ALDH2: variants seen among roughly 807,000 people sequenced by gnomAD.
ALDH2 encodes the protein aldehyde dehydrogenase, mitochondrial.
A neutral mutation model predicts 59.6 loss-of-function variants in ALDH2; 44 were observed. The observed-to-expected ratio is 0.74, with a 90% confidence interval of 0.58 to 0.95. The LOEUF is 0.95. Ranked by LOEUF, ALDH2 falls within the 40% of genes least tolerant of loss-of-function variation. The pLI, the probability that ALDH2 is intolerant of heterozygous loss-of-function variation, is 0.00. For synonymous variants in ALDH2, 291 were observed against 284.0 expected, an observed-to-expected ratio of 1.02 and a Z score of -0.25; for missense variants, 570 against 696.3, an observed-to-expected ratio of 0.82 and a Z score of 2.04.
At position 111,803,915 on chromosome 12, in the gene ALDH2, C is replaced by T. The variant is rs371493214; in HGVS notation, c.1463C>T (p.Ser488Leu). 22 of 1,613,074 alleles carry T rather than the reference C, an allele frequency of 1.4e-5. No individual in the cohort carries two copies. Among genetic ancestry groups the T allele is most frequent in the Non-Finnish European group, 1.6e-5 (19 of 1,179,608 alleles). ...AQSPFGGYKM[S>L]GSGRELGEYG... ...TCACCCTTTGGTGGCTACAAGATGT[C>T]GGGGAGTGGCCGGGAGTTGGGCGAG... Residue 488 changes from serine to leucine, a missense_variant, in exon 12 of 13, where the codon TCG becomes TTG. By Grantham distance (145) the Ser-to-Leu change is moderately radical (BLOSUM62 -2). Transcript: ENST00000261733.
At chr12:111,804,913 T>C (rs1016096885) in intron 12 of ALDH2, among the ~76,000 whole-genome samples, 4 of 152,196 alleles carry the variant, frequency 2.6e-5, no homozygotes, top group Admixed American at 2.6e-4. Context: ...GCAACTTCAA[T>C]GACTGGAATA....
chr12:111,774,875 G>C (rs1007180642), intron 1 of ALDH2, among the ~76,000 whole-genome samples: 4 of 152,142 alleles, frequency 2.6e-5, no homozygotes, highest in African/African-American at 9.7e-5. Flanking sequence ...TGGAGAACAA[G>C]ATAGCCAAGG....
rs372053825 is a variant in ALDH2 at position 111,792,670 on chromosome 12, G to A, written c.971G>A (p.Arg324Gln). The A allele has an allele frequency of 8.1e-6, 13 of 1,610,844 alleles. No homozygotes were observed. The highest frequency in any genetic ancestry group is 2.2e-5 in the East Asian group (1 of 44,726). Residue 324 changes from arginine to glutamine, a missense_variant, in exon 9 of 13, where the codon CGG becomes CAG. Physicochemically the swap from Arg to Gln is conservative, Grantham distance 43 (BLOSUM62 1). Transcript: ENST00000261733. ...NQGQCCCAGS[R>Q]TFVQEDIYDE... ...GGCCAGTGCTGCTGTGCCGGCTCCC[G>A]GACCTTCGTGCAGGAGGACATCTAT...
At chr12:111,808,152 G>A (rs570423713) in intron 12 of ALDH2, among the ~76,000 whole-genome samples, 4 of 152,208 alleles carry the variant, frequency 2.6e-5, no homozygotes, top group South Asian at 4.2e-4. Flanking sequence ...TGGGATTACA[G>A]GTGTGAACCA....
In ALDH2 at chr12:111,785,286, A is replaced by G. The variant is rs997054274; in HGVS notation, c.380A>G (p.Asn127Ser). The G allele has an allele frequency of 1.2e-6, 2 of 1,614,072 alleles. No homozygotes were observed. The highest frequency in any genetic ancestry group is 1.3e-5 in the African/African-American group (1 of 75,032). The change falls in exon 4 of 13, where the codon AAT becomes AGT. Residue 127 changes from asparagine to serine, a missense_variant. By Grantham distance (46) the Asn-to-Ser change is conservative. Coordinates refer to ENST00000261733, the MANE Select transcript of ALDH2 (RefSeq NM_000690.4). ...TYLAALETLD[N>S]GKPYVISYLV... ...TCTCAGGCCTTGGAGACCCTGGACA[A>G]TGGCAAGCCCTATGTCATCTCCTAC... is the stretch of plus-strand genomic sequence containing the variant.
chr12:111,799,086 A>G (rs185331570), intron 10 of ALDH2, among the ~76,000 whole-genome samples: 29 of 152,112 alleles, frequency 1.9e-4, no homozygotes, highest in African/African-American at 7.0e-4. Flanking sequence ...ACTAGTCTCG[A>G]ACTCCTGACT....
At chr12:111,782,304 G>A (rs1043338504) in intron 2 of ALDH2, among the ~76,000 whole-genome samples, 1 of 152,258 alleles carries the variant, frequency 6.6e-6, no homozygotes, top group African/African-American at 2.4e-5. Context: ...ACCTTGCTGG[G>A]TAGAATTTGG....
chr12:111,786,871 G>A (rs2068314336), intron 4 of ALDH2, among the ~76,000 whole-genome samples: 1 of 152,006 alleles, frequency 6.6e-6, no homozygotes, highest in African/African-American at 2.4e-5. Context: ...AATGACCAAG[G>A]AACAAGGGCT....
intron 7 of ALDH2, among the ~76,000 whole-genome samples, 178 bp from the exon 8 acceptor site, chr12:111,791,883 C>T (rs1416983650): frequency 1.3e-5 from 2 of 152,054 alleles, no homozygotes; most frequent in Non-Finnish European, 2.9e-5. Flanking sequence ...GCCTAGGTGA[C>T]AGAGCGAGAC....
At chr12:111,783,028 T>C in intron 2 of ALDH2, 130 bp from the exon 3 acceptor site, 1 of 1,182,208 alleles carries the variant, frequency 8.5e-7, no homozygotes, top group Non-Finnish European at 1.2e-6. Context: ...GCTAGGAGCA[T>C]TGTTTACGGG....
chr12:111,803,059 C>A (rs1479077908), intron 11 of ALDH2, among the ~76,000 whole-genome samples: 1 of 150,736 alleles, frequency 6.6e-6, no homozygotes, highest in African/African-American at 2.4e-5. Flanking sequence ...GGCATGGTAG[C>A]ATGCACCTGT....
At chr12:111,798,746 C>T (rs1196838993) in intron 10 of ALDH2, among the ~76,000 whole-genome samples, 1 of 152,014 alleles carries the variant, frequency 6.6e-6, no homozygotes, top group African/African-American at 2.4e-5. Flanking sequence ...GTTGCTCACG[C>T]CTGTAATCCC....
intron 11 of ALDH2, among the ~76,000 whole-genome samples, chr12:111,803,338 C>A (rs180730623): frequency 6.6e-6 from 1 of 151,382 alleles, no homozygotes; most frequent in African/African-American, 2.4e-5. Context: ...TGGCTCATAC[C>A]AGTAATCCCA....
intron 4 of ALDH2, among the ~76,000 whole-genome samples, chr12:111,788,519 GC>G (rs1408360832): frequency 6.6e-6 from 1 of 152,160 alleles, no homozygotes; most frequent in Non-Finnish European, 1.5e-5. Flanking sequence ...CTCAGTTGGG[GC>G]CACATGCTTT....
At chr12:111,802,229 T>C (rs1260484268) in intron 11 of ALDH2, among the ~76,000 whole-genome samples, 1 of 151,794 alleles carries the variant, frequency 6.6e-6, no homozygotes, top group African/African-American at 2.4e-5. Flanking sequence ...CTGACCAACA[T>C]GGTGAAACCC....
chr12:111,808,430 C>T (rs749039436), intron 12 of ALDH2, among the ~76,000 whole-genome samples: 2 of 151,940 alleles, frequency 1.3e-5, no homozygotes, highest in Non-Finnish European at 2.9e-5. Flanking sequence ...AGCGGCCAGG[C>T]GCGGTGGCTC....
chr12:111,789,489 CT>C (rs2068338758), intron 4 of ALDH2, among the ~76,000 whole-genome samples: 1 of 136,630 alleles, frequency 7.3e-6, no homozygotes, highest in African/African-American at 2.7e-5. Context: ...GAGACGCTGT[CT>C]CAAAAAAAAA....
At position 111,812,513 on chromosome 12, in the gene ALDH2, A is replaced by ACCCT. The variant is rs964501837; in HGVS notation, c.*2940_*2943dup. On this transcript the variant is annotated 3_prime_UTR_variant, in exon 13 of 13. Transcript: ENST00000261733. ...TATGCCTAACTTTATCACCAGCTTA[A>ACCCT]CCCTCATCTCATTATATAGGATGAT... 1 of 152,060 alleles carries ACCCT rather than the reference A, an allele frequency of 6.6e-6. No individual in the cohort carries two copies. The highest frequency in any genetic ancestry group is 1.5e-5 in the Non-Finnish European group (1 of 68,018). The allele number at this position is 152,060 out of a possible 1,614,324, so 9.4% of individuals were successfully genotyped here.
At chr12:111,779,105 C>T (rs1488236095) in intron 1 of ALDH2, among the ~76,000 whole-genome samples, 2 of 152,154 alleles carry the variant, frequency 1.3e-5, no homozygotes, top group Non-Finnish European at 2.9e-5. Context: ...ATCCTCCCAC[C>T]TTGGCCTCCC....
Sources: gnomAD v4.1 joint callset for allele counts (sites outside exome capture counted in the v4.1 genomes callset) on GRCh38, gnomAD v4.1.1 for gene constraint, MANE v1.5 for transcripts, NCBI Gene and HGNC (gene_info 2026-07-23, HGNC 2026-07-21) for gene names.